The following AKT1 variants were observed in gnomAD, a reference collection of about 807,000 sequenced individuals.
AKT1 encodes RAC-alpha serine/threonine-protein kinase.
A neutral mutation model predicts 63.1 loss-of-function variants in AKT1; 21 were observed. The ratio of observed to expected loss-of-function variants is 0.33; its 90% CI spans 0.24 to 0.48. AKT1 has a LOEUF of 0.48. AKT1 is among the 20% of genes least tolerant of loss of function. The pLI is 0.99. For missense variants in AKT1, 382 were observed against 666.0 expected, an observed-to-expected ratio of 0.57 and a Z score of 4.69; for synonymous variants, 257 against 253.1, an observed-to-expected ratio of 1.02 and a Z score of -0.15.
chr14:104,788,125 G>A (rs576747822), intron 3 of AKT1, among the ~76,000 whole-genome samples: 15 of 152,298 alleles, frequency 9.8e-5, no homozygotes, highest in African/African-American at 3.6e-4. Flanking sequence ...GGCCGTTCCA[G>A]ACCCTCAACG....
At position 104,775,089 on chromosome 14, in the gene AKT1, A is replaced by T. The variant is rs745500951; in HGVS notation, c.554T>A (p.Val185Asp). Residue 185 changes from valine to aspartate, a missense_variant, in exon 7 of 15, where the codon GTC (valine) becomes GAC (aspartate). Val to Asp is a radical substitution (Grantham distance 152). Around this residue, in one of 3 missense-constraint regions of AKT1, gnomAD observed 226 missense variants for 366.4 expected, o/e 0.62. Transcript: ENST00000649815. ...YYAMKILKKEVIVAKDEVAHT... is the reference protein window; with the variant it reads ...YYAMKILKKEDIVAKDEVAHT... ...CCCCGGCCCCACCTTGGCCACGATG[A>T]CTTCCTTCTTGAGGATCTTCATGGC... is the stretch of plus-strand genomic sequence containing the variant. 6.2e-7 allele frequency: 1 copy of T among 1,613,662 alleles called. No individual in the cohort carries two copies. Among genetic ancestry groups the T allele is most frequent in the African/African-American group, 1.3e-5 (1 of 74,832 alleles).
intron 12 of AKT1, 73 bp from the exon 13 acceptor site, chr14:104,772,525 C>T (rs1892451979): frequency 6.7e-7 from 1 of 1,495,366 alleles, no homozygotes; most frequent in Non-Finnish European, 9.3e-7. Context: ...CCCCTTCCTC[C>T]TGTGATGTAG....
intron 8 of AKT1, 127 bp from the exon 9 acceptor site, chr14:104,774,107 A>C: frequency 6.3e-6 from 5 of 788,424 alleles, no homozygotes; most frequent in Non-Finnish European, 1.1e-5. Context: ...CCCACACCAC[A>C]CTGCCCGACA....
intron 3 of AKT1, among the ~76,000 whole-genome samples, chr14:104,782,092 CA>C (rs1480353580): frequency 3.9e-5 from 6 of 152,100 alleles, no homozygotes; most frequent in Non-Finnish European, 8.8e-5. Flanking sequence ...TCCCCTCCCC[CA>C]GCCACAGGGC....
intron 14 of AKT1, 99 bp downstream of exon 14, chr14:104,770,646 A>T: frequency 8.3e-7 from 1 of 1,197,774 alleles, no homozygotes; most frequent in Non-Finnish European, 1.2e-6. Flanking sequence ...TTAAATATTT[A>T]GATTTTAAAA....
Position 104,774,171 on chromosome 14 carries a change from C to T in AKT1, c.634-191G>A, listed in dbSNP as rs1016411494. 2.1e-5 allele frequency: 12 copies of T among 566,108 alleles called. No homozygotes were observed. In the African/African-American group the frequency reaches 2.3e-4, roughly 11 times the overall value. 35.1% of individuals were successfully genotyped at this position (566,108 alleles called of 1,614,324 possible). ...TACCACACTGCCCCACACCACACAC[C>T]CCATCACACTGCCCCACACCATACA... On this transcript the variant is annotated intron_variant, in intron 8 of 14. Transcript: ENST00000649815.
chr14:104,784,081 T>TCGGCAG (rs1368877382), intron 3 of AKT1, among the ~76,000 whole-genome samples: 3 of 151,692 alleles, frequency 2.0e-5, no homozygotes, highest in Non-Finnish European at 4.4e-5. Flanking sequence ...GCCGGTTCCC[T>TCGGCAG]CGGCAGCGGG....
intron 12 of AKT1, 48 bp downstream of exon 12, chr14:104,772,830 G>A: frequency 6.4e-7 from 1 of 1,562,424 alleles, no homozygotes; most frequent in Non-Finnish European, 8.6e-7. Flanking sequence ...GCAGCCTGGG[G>A]ATGAGGGGAT....
intron 3 of AKT1, among the ~76,000 whole-genome samples, chr14:104,786,995 C>A (rs1027135428): frequency 1.3e-5 from 2 of 152,042 alleles, no homozygotes; most frequent in African/African-American, 2.4e-5. Context: ...CAGCTGAGGG[C>A]CTGGGCAGGT....
chr14:104,775,360 TC>T, intron 6 of AKT1, 153 bp from the exon 7 acceptor site: 1 of 1,388,728 alleles, frequency 7.2e-7, no homozygotes, highest in Non-Finnish European at 9.6e-7. Flanking sequence ...CAGCGGGGAG[TC>T]CAGGCTTACA....
chr14:104,770,759 G>A lies in AKT1; in HGVS notation c.1349C>T (p.Thr450Ile). ...EEFTAQMITI[T>I]PPDQDDSMEC... ...TGGCCCCTCACCTTGGTCAGGTGGT[G>A]TGATGGTGATCATCTGGGCCGTGAA... The change falls in exon 14 of 15, where the codon ACA becomes ATA. Residue 450 changes from threonine to isoleucine, a missense_variant. Thr to Ile is a moderately conservative substitution (Grantham distance 89). Coordinates refer to ENST00000649815, the MANE Select transcript of AKT1 (RefSeq NM_001382430.1). 1.2e-6 allele frequency: 2 copies of A among 1,614,102 alleles called. No individual in the cohort carries two copies. Among genetic ancestry groups the A allele is most frequent in the Non-Finnish European group, 1.7e-6 (2 of 1,179,982 alleles).
At chr14:104,783,758 C>G (rs769348257) in intron 3 of AKT1, among the ~76,000 whole-genome samples, 37 of 152,164 alleles carry the variant, frequency 2.4e-4, no homozygotes, top group Non-Finnish European at 4.3e-4. Flanking sequence ...GTCCCTAACT[C>G]TCACACCCCC....
intron 3 of AKT1, among the ~76,000 whole-genome samples, chr14:104,791,336 A>G (rs1259838114): frequency 6.6e-6 from 1 of 151,806 alleles, no homozygotes; most frequent in Non-Finnish European, 1.5e-5. Flanking sequence ...CTCCTGGGGA[A>G]CAAGCAGGGG....
At chr14:104,772,230 C>T in intron 13 of AKT1, 135 bp downstream of exon 13, 1 of 982,666 alleles carries the variant, frequency 1.0e-6, no homozygotes, top group East Asian at 2.4e-5. Flanking sequence ...CAAGGCCCTC[C>T]TTGTACCAGG....
chr14:104,791,205 C>T (rs1284637100), intron 3 of AKT1, among the ~76,000 whole-genome samples: 1 of 152,114 alleles, frequency 6.6e-6, no homozygotes, highest in Non-Finnish European at 1.5e-5. Context: ...AAAGAAGCAG[C>T]GGCCCCAGGC....
rs1395823104 is a variant in AKT1, at chr14:104,770,320, C to T, written c.*21G>A. ...CCTCTCCATCCCTCCAAGCTATCGT[C>T]CAGCGCAGTCCACCGCCGCCTCAGG... is the stretch of plus-strand genomic sequence containing the variant. On this transcript the variant is annotated 3_prime_UTR_variant, in exon 15 of 15. Coordinates refer to ENST00000649815, the MANE Select transcript of AKT1 (RefSeq NM_001382430.1). 4.4e-6 allele frequency: 7 copies of T among 1,602,414 alleles called. No individual in the cohort carries two copies. In the Admixed American group the frequency reaches 5.1e-5, roughly 12 times the overall value.
At chr14:104,792,512 C>A in intron 3 of AKT1, 86 bp downstream of exon 3, 1 of 1,520,254 alleles carries the variant, frequency 6.6e-7, no homozygotes, top group Non-Finnish European at 9.1e-7. Flanking sequence ...CCCCTCCCAC[C>A]CAGCAGGGCA....
At chr14:104,780,043 C>G (rs2140948030) in intron 4 of AKT1, 45 bp downstream of exon 4, 1 of 1,599,548 alleles carries the variant, frequency 6.3e-7, no homozygotes, top group Non-Finnish European at 8.5e-7. Flanking sequence ...AGGGCTCCAG[C>G]CAACCCCCCA....
At chr14:104,790,624 G>C (rs911509838) in intron 3 of AKT1, among the ~76,000 whole-genome samples, 10 of 152,308 alleles carry the variant, frequency 6.6e-5, no homozygotes, top group African/African-American at 2.2e-4. Context: ...GCAACAAGAG[G>C]GGCTATGCCT....
Sources: gnomAD v4.1 joint callset for allele counts (sites outside exome capture counted in the v4.1 genomes callset) on GRCh38, gnomAD v4.1.1 for gene constraint, gnomAD v4.1.1 regional missense constraint, MANE v1.5 for transcripts, NCBI Gene and HGNC (gene_info 2026-07-23, HGNC 2026-07-21) for gene names.